The following LEO1 variants were observed in gnomAD, a reference collection of about 807,000 sequenced individuals.
LEO1 encodes the protein LEO1 component of Paf1/RNA polymerase II complex.
A neutral mutation model predicts 80.4 loss-of-function variants in LEO1; 34 were observed. The observed-to-expected ratio is 0.42, with a 90% CI of 0.32 to 0.56. The LOEUF (loss-of-function observed/expected upper bound fraction) is 0.56, where lower values mean the gene tolerates loss of function less well. LEO1 is among the 20% of genes least tolerant of loss of function. The probability of loss-of-function intolerance (pLI) is 0.10; values close to 1 mark genes in which losing one functional copy is unlikely to be tolerated. For missense variants in LEO1, 631 were observed against 814.2 expected, an observed-to-expected ratio of 0.77 and a Z score of 2.74; for synonymous variants, 262 against 274.9, an observed-to-expected ratio of 0.95 and a Z score of 0.46.
chr15:51,950,085 C>T, intron 9 of LEO1, 91 bp from the exon 10 acceptor site: 1 of 1,078,594 alleles, frequency 9.3e-7, no homozygotes, highest in Non-Finnish European at 1.3e-6. Context: ...CATGTAATGT[C>T]TGGTCCAGAT....
At chr15:51,948,296 T>C (rs1379895385) in intron 10 of LEO1, among the ~76,000 whole-genome samples, 3 of 152,248 alleles carry the variant, frequency 2.0e-5, no homozygotes, top group Non-Finnish European at 4.4e-5. Context: ...ATGTGCTAGA[T>C]TTTTAATCTC....
At chr15:51,946,282 C>T (rs2056900297) in intron 11 of LEO1, among the ~76,000 whole-genome samples, 1 of 151,954 alleles carries the variant, frequency 6.6e-6, no homozygotes, top group African/African-American at 2.4e-5. Flanking sequence ...TTCCACCTCC[C>T]AGGTTCAGGC....
chr15:51,946,697 C>T (rs1017391963), intron 11 of LEO1, among the ~76,000 whole-genome samples: 1 of 152,006 alleles, frequency 6.6e-6, no homozygotes, highest in East Asian at 1.9e-4. Context: ...CACACCACTA[C>T]ATCCAGCTAA....
intron 2 of LEO1, 37 bp from the exon 3 acceptor site, chr15:51,962,530 C>A: frequency 1.4e-6 from 2 of 1,426,086 alleles, no homozygotes; most frequent in South Asian, 2.4e-5. Flanking sequence ...CATAATCAGT[C>A]GCATTAGTTG....
intron 11 of LEO1, among the ~76,000 whole-genome samples, chr15:51,940,970 G>C (rs1249101120): frequency 1.3e-5 from 2 of 151,962 alleles, no homozygotes; most frequent in African/African-American, 4.8e-5. Flanking sequence ...TGGATTTGGA[G>C]GCTGAGGCAG....
At chr15:51,952,978 A>G (rs558666425) in intron 8 of LEO1, 151 bp downstream of exon 8, 83 of 615,574 alleles carry the variant, frequency 1.3e-4, no homozygotes, top group Middle Eastern at 9.1e-4. Flanking sequence ...TTGACAAAAT[A>G]ACCTTTGAAC....
chr15:51,946,346 C>T lies in LEO1; in HGVS notation c.1896+946G>A, dbSNP rs145970076. 5.7e-3 allele frequency among the ~76,000 whole-genome samples: 867 copies of T among 151,912 alleles called. 9 individuals carry two copies. Among genetic ancestry groups the T allele is most frequent in the African/African-American group, 0.02 (836 of 41,432 alleles). ...GAGAGTAGCTAGGATTACAGGCATG[C>T]GCCACCACGCCCTGCTAATTTGTAT... On this transcript the variant is annotated intron_variant, in intron 11 of 11. Coordinates refer to ENST00000299601, the MANE Select transcript of LEO1 (RefSeq NM_138792.4).
Position 51,960,657 on chromosome 15 carries a change from A to T in LEO1, c.996T>A (p.Pro332=), listed in dbSNP as rs200326124. 213 of 1,601,122 alleles carry T rather than the reference A, an allele frequency of 1.3e-4. No homozygotes were observed. The highest frequency in any genetic ancestry group is 1.7e-4 in the Non-Finnish European group (200 of 1,168,186). The stretch of plus-strand genomic sequence containing the variant: ...GACTTACAACAGGCTGTCCTGGAGT[A>T]GGTGGTTTGTCTTCTCCATCACTCC... The part of the protein sequence containing the change: ...SSGSDGEDKP[P]TPGQPVDENG... Residue 332 remains proline (P), a synonymous_variant, in exon 4 of 12, where the codon CCT becomes CCA. Coordinates refer to ENST00000299601, the MANE Select transcript of LEO1 (RefSeq NM_138792.4).
Position 51,971,728 on chromosome 15 carries a change from A to C in LEO1, c.18T>G (p.Asp6Glu). Residue 6 changes from aspartate to glutamate, a missense_variant, in exon 1 of 12, where the codon GAT (aspartate) becomes GAG (glutamate). Coordinates refer to ENST00000299601, the MANE Select transcript of LEO1 (RefSeq NM_138792.4). Reference protein sequence around the residue: MADMEDLFGSDADSEA... With the variant: MADMEELFGSDADSEA... ...CGCTGTCGGCGTCGCTCCCGAAGAG[A>C]TCCTCCATATCCGCCATTATCGCTC... The C allele has an allele frequency of 6.2e-7, 1 of 1,614,094 alleles. No homozygotes were observed. The highest frequency in any genetic ancestry group is 1.7e-5 in the Admixed American group (1 of 60,020).
intron 11 of LEO1, among the ~76,000 whole-genome samples, chr15:51,939,403 CA>C (rs1363165274): frequency 6.6e-6 from 1 of 152,066 alleles, no homozygotes; most frequent in Non-Finnish European, 1.5e-5. Flanking sequence ...CTTATTATCC[CA>C]AATACATTCC....
Position 51,954,468 on chromosome 15 carries a change from G to GT in LEO1, c.1340+12dup, listed in dbSNP as rs759635777. 5.7e-6 allele frequency: 9 copies of GT among 1,573,460 alleles called. No individual in the cohort carries two copies. The highest frequency in any genetic ancestry group is 7.0e-6 in the Non-Finnish European group (8 of 1,143,104). ...CTGGGTATGTCAATACCCTTCAGGC[G>GT]TTTTGTGCTCACCTTCCATCTGACC... On this transcript the variant is annotated intron_variant, in intron 7 of 11. Coordinates refer to ENST00000299601, the MANE Select transcript of LEO1 (RefSeq NM_138792.4).
At chr15:51,945,902 C>T (rs150780535) in intron 11 of LEO1, among the ~76,000 whole-genome samples, 2,080 of 151,992 alleles carry the variant, frequency 0.014, 79 homozygotes, top group Admixed American at 0.07. Context: ...GGCATGGTAG[C>T]AGGCGCCTGT....
chr15:51,971,002 TC>T (rs1306629681), intron 1 of LEO1, among the ~76,000 whole-genome samples: 1 of 152,096 alleles, frequency 6.6e-6, no homozygotes, highest in East Asian at 1.9e-4. Flanking sequence ...AGAAATAACT[TC>T]CAAGCAGCAT....
chr15:51,967,664 A>G (rs755206112), intron 1 of LEO1, among the ~76,000 whole-genome samples: 29 of 152,214 alleles, frequency 1.9e-4, no homozygotes, highest in Non-Finnish European at 2.1e-4. Context: ...TTCATCCCAT[A>G]TGAGGAACGC....
intron 10 of LEO1, among the ~76,000 whole-genome samples, chr15:51,948,886 C>T (rs900028659): frequency 1.3e-5 from 2 of 152,204 alleles, no homozygotes; most frequent in African/African-American, 4.8e-5. Context: ...GATGCAGAGT[C>T]ACGGCTGGGA....
rs755770205 is a variant in LEO1, at chr15:51,960,058, C to G, written c.1015-14G>C. 1 of 1,607,204 alleles carries G rather than the reference C, an allele frequency of 6.2e-7. No homozygotes were observed. The highest frequency in any genetic ancestry group is 8.5e-7 in the Non-Finnish European group (1 of 1,177,720). ...TCCATTTTCATCCTAGTGAAAGAATCGGAAGTTTGGAGCTTGACAGGACCT... is the reference window on the plus strand; with the variant it reads ...TCCATTTTCATCCTAGTGAAAGAATGGGAAGTTTGGAGCTTGACAGGACCT... On this transcript the variant is annotated splice_polypyrimidine_tract_variant and intron_variant, in intron 4 of 11. Coordinates refer to ENST00000299601, the MANE Select transcript of LEO1 (RefSeq NM_138792.4).
At chr15:51,943,699 C>CAA (rs5812577) in intron 11 of LEO1, among the ~76,000 whole-genome samples, 104 of 122,890 alleles carry the variant, frequency 8.5e-4, no homozygotes, top group African/African-American at 1.9e-3. Flanking sequence ...GACCCTGTCT[C>CAA]AAAAAAAAAA....
chr15:51,962,311 C>A, intron 3 of LEO1, 78 bp downstream of exon 3: 1 of 935,628 alleles, frequency 1.1e-6, no homozygotes. Context: ...GGTAAACACA[C>A]TCAGGGTTAG....
intron 10 of LEO1, among the ~76,000 whole-genome samples, chr15:51,949,373 A>T (rs1286935394): frequency 6.6e-6 from 1 of 152,156 alleles, no homozygotes; most frequent in Non-Finnish European, 1.5e-5. Context: ...ACCTGAATGA[A>T]CTAGGTCACT....
Sources: allele counts gnomAD v4.1 joint callset (sites outside exome capture counted in the v4.1 genomes callset), GRCh38; gene constraint gnomAD v4.1.1; transcripts MANE v1.5; gene names NCBI Gene and HGNC (gene_info 2026-07-23, HGNC 2026-07-21).